The following FAM149A variants were observed in gnomAD, a reference collection of about 807,000 sequenced individuals.
FAM149A encodes family with sequence similarity 149 member A.
FAM149A carries 71 observed loss-of-function variants against 78.2 expected under a neutral mutation model. The ratio of observed to expected loss-of-function variants is 0.91; its 90% CI spans 0.75 to 1.11. FAM149A has a LOEUF of 1.11. Among genes scored for constraint, FAM149A ranks in the 50% least tolerant of loss-of-function variants. The pLI, the probability that FAM149A is intolerant of heterozygous loss-of-function variation, is 0.00. For missense variants in FAM149A, 1,036 were observed against 971.0 expected, an observed-to-expected ratio of 1.07 and a Z score of -0.89; for synonymous variants, 446 against 410.5, an observed-to-expected ratio of 1.09 and a Z score of -1.04.
chr4:186,108,719 C>G (rs1024302485), intron 1 of FAM149A, among the ~76,000 whole-genome samples: 1 of 152,174 alleles, frequency 6.6e-6, no homozygotes, highest in Non-Finnish European at 1.5e-5. Flanking sequence ...ACCTTGGCTT[C>G]CCTGTCCATT....
chr4:186,138,405 GTGAT>G (rs886867143), intron 1 of FAM149A, among the ~76,000 whole-genome samples: 3 of 152,228 alleles, frequency 2.0e-5, no homozygotes, highest in Admixed American at 1.3e-4. Flanking sequence ...TTTGCAAATA[GTGAT>G]CCAGAGAATT....
intron 1 of FAM149A, 32 bp downstream of exon 1, chr4:186,105,674 C>CT: frequency 2.9e-6 from 3 of 1,037,816 alleles, no homozygotes; most frequent in Non-Finnish European, 3.5e-6. Context: ...GCGCGTGTAC[C>CT]TTTTGCCGGG....
intron 1 of FAM149A, chr4:186,109,429 T>C (rs1208066277): frequency 8.3e-6 from 8 of 959,004 alleles, no homozygotes; most frequent in East Asian, 1.2e-4. Context: ...GAGGGACTTA[T>C]CTCGATTCCT....
intron 5 of FAM149A, 105 bp downstream of exon 5, chr4:186,153,875 AT>A: frequency 2.3e-6 from 3 of 1,323,972 alleles, no homozygotes; most frequent in Non-Finnish European, 3.1e-6. Context: ...CATTTTGGAA[AT>A]TTAGATTCTG....
At chr4:186,145,074 G>T (rs373978546) in intron 1 of FAM149A, 5 of 984,972 alleles carry the variant, frequency 5.1e-6, no homozygotes, top group Admixed American at 6.2e-5. Context: ...AGCCTGGCGC[G>T]GGGGCTGCGA....
At chr4:186,147,114 G>T (rs1320451320) in intron 1 of FAM149A, among the ~76,000 whole-genome samples, 4 of 152,198 alleles carry the variant, frequency 2.6e-5, no homozygotes, top group Non-Finnish European at 5.9e-5. Context: ...ACAGTGCGGT[G>T]GCTCATGCCT....
intron 1 of FAM149A, among the ~76,000 whole-genome samples, chr4:186,131,008 A>G (rs1465782069): frequency 2.0e-5 from 3 of 152,058 alleles, no homozygotes; most frequent in Non-Finnish European, 4.4e-5. Flanking sequence ...CTAGGTTTAG[A>G]TTAGGTCTTG....
rs1157763592 is a variant in FAM149A at position 186,139,002 on chromosome 4, T to C, written c.567-10171T>C. ...TCTTCTGTGGGAAATGTGCCTCTTC[T>C]CCCCATTTATTTATTTATTTGTTTA... On this transcript the variant is annotated intron_variant, in intron 1 of 13. Transcript: ENST00000389354. Among the ~76,000 whole-genome samples the C allele has an allele frequency of 3.9e-5, 6 of 152,294 alleles. No individual in the cohort carries two copies. The East Asian group carries it at 1.2e-3, about 29-fold the overall frequency.
intron 1 of FAM149A, chr4:186,146,546 G>A: frequency 9.3e-6 from 9 of 968,030 alleles, no homozygotes; most frequent in Non-Finnish European, 1.1e-5. Flanking sequence ...CTGAAAAAGA[G>A]TGAATTTCCT....
rs1030499541 is a variant in FAM149A at position 186,149,488 on chromosome 4, G to C, written c.678-105G>C. The C allele has an allele frequency of 2.4e-6, 3 of 1,242,428 alleles. No individual in the cohort carries two copies. The Admixed American group carries it at 7.9e-5, about 33-fold the overall frequency. The allele number at this position is 1,242,428 out of a possible 1,614,324, so 77.0% of individuals were successfully genotyped here. Reference sequence around the variant, plus strand: ...ATTTAATGAAAGAAAGAGGAAGCAGGCTCAGAAAAGTGAAGCCACTTAGCC... The same window carrying C: ...ATTTAATGAAAGAAAGAGGAAGCAGCCTCAGAAAAGTGAAGCCACTTAGCC... On this transcript the variant is annotated intron_variant, in intron 2 of 13. Coordinates refer to ENST00000389354, the MANE Select transcript of FAM149A (RefSeq NM_001367768.3).
rs1734160031 is a variant in FAM149A, at chr4:186,157,677, G to A, written c.1533G>A (p.Glu511=). The A allele has an allele frequency of 3.1e-6, 5 of 1,613,788 alleles. No homozygotes were observed. The highest frequency in any genetic ancestry group is 1.3e-5 in the African/African-American group (1 of 75,052). ...GTGGCCCCCCGTCCGGACACGCCGA[G>A]GCTCACGGCATCTCCCTGGCTTCTC... Residue 511 remains glutamate (E), a synonymous_variant, in exon 8 of 14, where the codon GAG becomes GAA. Transcript: ENST00000389354.
At chr4:186,118,223 T>C (rs910870748) in intron 1 of FAM149A, 1 of 985,314 alleles carries the variant, frequency 1.0e-6, no homozygotes, top group Non-Finnish European at 1.2e-6. Context: ...GAGTGCTCTT[T>C]ACTGTTGCTG....
intron 8 of FAM149A, chr4:186,158,528 C>T: frequency 1.0e-6 from 1 of 966,822 alleles, no homozygotes; most frequent in Admixed American, 8.1e-5. Context: ...GAGCAGCCTG[C>T]TGCTGATGCA....
chr4:186,145,838 TC>T (rs1009974631), intron 1 of FAM149A, among the ~76,000 whole-genome samples: 13 of 152,160 alleles, frequency 8.5e-5, no homozygotes, highest in Non-Finnish European at 1.3e-4. Context: ...GTGGGATGCA[TC>T]CTGTAAGTTG....
At chr4:186,109,645 T>C (rs2099310372) in intron 1 of FAM149A, 1 of 984,390 alleles carries the variant, frequency 1.0e-6, no homozygotes, top group African/African-American at 1.7e-5. Context: ...AAATAATAAG[T>C]AATATATGGA....
At chr4:186,160,510 TACAC>T (rs1005014920) in intron 8 of FAM149A, among the ~76,000 whole-genome samples, 5 of 124,006 alleles carry the variant, frequency 4.0e-5, no homozygotes, top group Non-Finnish European at 8.3e-5. Context: ...ACATACCAAA[TACAC>T]ACATACACAC....
At chr4:186,153,574 A>T in intron 4 of FAM149A, 71 bp from the exon 5 acceptor site, 1 of 1,558,234 alleles carries the variant, frequency 6.4e-7, no homozygotes, top group Non-Finnish European at 8.8e-7. Flanking sequence ...ATTGTCTCCT[A>T]CTTTTAAAAT....
At chr4:186,169,769 C>A in intron 13 of FAM149A, 4 of 985,440 alleles carry the variant, frequency 4.1e-6, no homozygotes, top group Non-Finnish European at 4.8e-6. Context: ...TACATTAACA[C>A]GTGCAATCAC....
Position 186,151,975 on chromosome 4 carries a change from A to G in FAM149A, c.862A>G (p.Lys288Glu), listed in dbSNP as rs144466891. The G allele has an allele frequency of 4.3e-6, 7 of 1,614,070 alleles. No individual in the cohort carries two copies. Among genetic ancestry groups the G allele is most frequent in the African/African-American group, 1.3e-5 (1 of 74,918 alleles). Residue 288 changes from lysine to glutamate, a missense_variant, in exon 4 of 14, where the codon AAA becomes GAA. By Grantham distance (56) the Lys-to-Glu change is moderately conservative (BLOSUM62 1). Transcript: ENST00000389354. ...GGTGGAGGAAATGTTATTTGAAGGG[A>G]AAGTGAACCCTCAGACCCAGAGTCT...
Sources: gnomAD v4.1 joint callset for allele counts (sites outside exome capture counted in the v4.1 genomes callset) on GRCh38, gnomAD v4.1.1 for gene constraint, MANE v1.5 for transcripts, NCBI Gene and HGNC (gene_info 2026-07-23, HGNC 2026-07-21) for gene names.